Variants in CSMD1 observed in about 807,000 individuals in gnomAD.
CSMD1 encodes CUB and Sushi multiple domains 1.
In CSMD1, 213 loss-of-function variants were observed where a neutral mutation model predicts 417.5. The observed-to-expected ratio is 0.51, with a 90% CI of 0.46 to 0.57. The LOEUF is 0.57. Among genes scored for constraint, CSMD1 ranks in the 20% least tolerant of loss-of-function variants. The pLI is 0.00. For synonymous variants in CSMD1, 2,862 were observed against 1,736.8 expected, an observed-to-expected ratio of 1.65 and a Z score of -16.11; for missense variants, 6,923 against 4,529.7, an observed-to-expected ratio of 1.53 and a Z score of -15.17.
chr8:3,064,709 G>A (rs1179834172), intron 49 of CSMD1, among the ~76,000 whole-genome samples: 1 of 152,026 alleles, frequency 6.6e-6, no homozygotes, highest in African/African-American at 2.4e-5. Flanking sequence ...TCTCAAAGTT[G>A]GCCATTACAA....
intron 3 of CSMD1, among the ~76,000 whole-genome samples, chr8:4,291,222 A>T (rs925562589): frequency 3.3e-5 from 5 of 152,104 alleles, no homozygotes; most frequent in African/African-American, 1.2e-4. Flanking sequence ...AACAAAAATA[A>T]TATGCTTATG....
chr8:3,815,075 C>T (rs1801299527), intron 5 of CSMD1, among the ~76,000 whole-genome samples: 1 of 151,978 alleles, frequency 6.6e-6, no homozygotes, highest in South Asian at 2.1e-4. Context: ...ATTAAATGTC[C>T]CCTGATATTT....
chr8:3,277,106 CTG>C (rs1563216089), intron 26 of CSMD1, among the ~76,000 whole-genome samples: 1 of 152,046 alleles, frequency 6.6e-6, no homozygotes, highest in African/African-American at 2.4e-5. Context: ...CACATCCAAG[CTG>C]AGAGAGGCTA....
intron 1 of CSMD1, among the ~76,000 whole-genome samples, chr8:4,685,558 A>G (rs1286126222): frequency 6.6e-6 from 1 of 152,184 alleles, no homozygotes; most frequent in Non-Finnish European, 1.5e-5. Context: ...CCTGGGTGAC[A>G]GAATGAGACT....
At chr8:4,108,969 T>G (rs1388302537) in intron 3 of CSMD1, among the ~76,000 whole-genome samples, 1 of 152,162 alleles carries the variant, frequency 6.6e-6, no homozygotes, top group Admixed American at 6.5e-5. Flanking sequence ...ATTTAGAAAC[T>G]ACAGTTTTTC....
chr8:4,285,752 G>A (rs1019822524), intron 3 of CSMD1, among the ~76,000 whole-genome samples: 5 of 152,156 alleles, frequency 3.3e-5, no homozygotes, highest in African/African-American at 1.2e-4. Context: ...AACTTCAGAG[G>A]TCAAAATAGC....
intron 12 of CSMD1, among the ~76,000 whole-genome samples, chr8:3,423,063 G>A (rs555785052): frequency 1.1e-4 from 16 of 152,304 alleles, no homozygotes; most frequent in South Asian, 1.0e-3. Flanking sequence ...ACAGTCCTAT[G>A]TATTTAAAAA....
At chr8:4,750,792 G>C (rs970432797) in intron 1 of CSMD1, among the ~76,000 whole-genome samples, 1 of 151,742 alleles carries the variant, frequency 6.6e-6, no homozygotes, top group African/African-American at 2.4e-5. Flanking sequence ...AAAATGTTTC[G>C]TTGGTTGCTT....
intron 7 of CSMD1, among the ~76,000 whole-genome samples, chr8:3,676,961 C>G (rs1433477888): frequency 2.0e-5 from 3 of 151,820 alleles, no homozygotes; most frequent in South Asian, 2.1e-4. Flanking sequence ...AATGACAACA[C>G]AAGGACACAG....
chr8:3,374,457 T>A (rs908295063), intron 18 of CSMD1, among the ~76,000 whole-genome samples: 11 of 152,172 alleles, frequency 7.2e-5, no homozygotes, highest in African/African-American at 2.4e-4. Context: ...GGAAGGCAAA[T>A]AACTTGGTTT....
At chr8:3,468,013 G>A (rs1187706716) in intron 12 of CSMD1, among the ~76,000 whole-genome samples, 1 of 152,044 alleles carries the variant, frequency 6.6e-6, no homozygotes, top group African/African-American at 2.4e-5. Flanking sequence ...ATACTTTAAG[G>A]AACTCAGTTA....
intron 3 of CSMD1, among the ~76,000 whole-genome samples, chr8:4,075,544 G>A (rs1799776566): frequency 6.6e-6 from 1 of 152,280 alleles, no homozygotes; most frequent in East Asian, 1.9e-4. Flanking sequence ...TCCCCTTAGA[G>A]AATATATGTA....
At chr8:3,567,095 T>C (rs1043091434) in intron 10 of CSMD1, among the ~76,000 whole-genome samples, 3 of 152,144 alleles carry the variant, frequency 2.0e-5, no homozygotes, top group Non-Finnish European at 4.4e-5. Flanking sequence ...TATGCAGCCA[T>C]ATAAAAAGAA....
At chr8:3,708,523 T>TAAG in intron 6 of CSMD1, 32 bp from the exon 7 acceptor site, 5 of 1,588,762 alleles carry the variant, frequency 3.1e-6, no homozygotes, top group Non-Finnish European at 4.3e-6. Flanking sequence ...CATTAGCAGG[T>TAAG]AAGACTTGGA....
intron 57 of CSMD1, among the ~76,000 whole-genome samples, chr8:2,967,129 C>A (rs916470205): frequency 1.3e-5 from 2 of 152,136 alleles, no homozygotes; most frequent in African/African-American, 4.8e-5. Context: ...AAAAGAATAT[C>A]TATGATATTA....
At position 4,212,174 on chromosome 8, in the gene CSMD1, TTATATATA is replaced by T. The variant is rs10682206; in HGVS notation, c.416-180083_416-180076del. 5.2e-3 allele frequency among the ~76,000 whole-genome samples: 763 copies of T among 145,754 alleles called. 8 individuals are homozygous for T. Among genetic ancestry groups the T allele is most frequent in the African/African-American group, 0.018 (725 of 40,052 alleles). On this transcript the variant is annotated intron_variant, in intron 3 of 69. Coordinates refer to ENST00000635120, the MANE Select transcript of CSMD1 (RefSeq NM_033225.6). ...AAAAAAGACTCTGTCACTTCCCTATTTATATATATATATATATATATTATTTTCTCTCC... is the reference window on the plus strand; with the variant it reads ...AAAAAAGACTCTGTCACTTCCCTATTTATATATATATATTATTTTCTCTCC...
Position 4,213,817 on chromosome 8 carries a change from TAAGAA to T in CSMD1, c.416-181723_416-181719del, listed in dbSNP as rs532652704. 5.1e-4 allele frequency among the ~76,000 whole-genome samples: 77 copies of T among 152,196 alleles called. 1 individual carries two copies. Among genetic ancestry groups the T allele is most frequent in the African/African-American group, 1.7e-3 (72 of 41,526 alleles). On this transcript the variant is annotated intron_variant, in intron 3 of 69. Coordinates refer to ENST00000635120, the MANE Select transcript of CSMD1 (RefSeq NM_033225.6). ...GCAAACTAACTTGCATTGAGAAAGATAAGAAAAGAGACAGTTATTGAACCCCAGTG... is the reference window on the plus strand; with the variant it reads ...GCAAACTAACTTGCATTGAGAAAGATAAGAGACAGTTATTGAACCCCAGTG...
intron 2 of CSMD1, among the ~76,000 whole-genome samples, chr8:4,506,255 T>C (rs1802520188): frequency 6.6e-6 from 1 of 152,086 alleles, no homozygotes; most frequent in Non-Finnish European, 1.5e-5. Flanking sequence ...ACCTCACTAA[T>C]GTGTTCCAGG....
At chr8:4,600,847 G>C (rs1800541827) in intron 2 of CSMD1, among the ~76,000 whole-genome samples, 1 of 152,036 alleles carries the variant, frequency 6.6e-6, no homozygotes, top group Admixed American at 6.6e-5. Flanking sequence ...AAGATATTCT[G>C]ACTTTAAAAG....
Sources: allele counts gnomAD v4.1 joint callset (sites outside exome capture counted in the v4.1 genomes callset), GRCh38; gene constraint gnomAD v4.1.1; transcripts MANE v1.5; gene names NCBI Gene and HGNC (gene_info 2026-07-23, HGNC 2026-07-21).